The following FOXP1 variants were observed in gnomAD, a reference collection of about 807,000 sequenced individuals.
FOXP1 encodes the protein forkhead box protein P1.
Under a neutral mutation model 98.2 loss-of-function variants are expected in FOXP1, and 15 were observed. The ratio of observed to expected loss-of-function variants is 0.15; its 90% CI spans 0.10 to 0.24. The LOEUF (loss-of-function observed/expected upper bound fraction) is 0.24, where lower values mean the gene tolerates loss of function less well. FOXP1 is among the 10% of genes least tolerant of loss of function. FOXP1 has a pLI of 1.00. For missense variants in FOXP1, 633 were observed against 848.5 expected (o/e 0.75, Z 3.15); for synonymous variants, 371 against 314.5 (o/e 1.18, Z -1.90).
At chr3:71,126,603 C>G (rs948038048) in intron 6 of FOXP1, among the ~76,000 whole-genome samples, 1 of 151,916 alleles carries the variant, frequency 6.6e-6, no homozygotes, top group African/African-American at 2.4e-5. Flanking sequence ...GCAGGGAGAC[C>G]GCTTGAGCCC....
chr3:71,193,157 T>G (rs1263543684), intron 6 of FOXP1, among the ~76,000 whole-genome samples: 2 of 150,026 alleles, frequency 1.3e-5, no homozygotes, highest in African/African-American at 2.5e-5. Flanking sequence ...TTATTTGTGT[T>G]TTTTTTTTGA....
intron 3 of FOXP1, among the ~76,000 whole-genome samples, chr3:71,363,823 G>A (rs959518665): frequency 6.6e-6 from 1 of 152,198 alleles, no homozygotes; most frequent in Non-Finnish European, 1.5e-5. Context: ...CAAATAGATG[G>A]AAGTGGGTAT....
At chr3:71,542,353 C>T (rs997071452) in intron 2 of FOXP1, among the ~76,000 whole-genome samples, 1 of 152,118 alleles carries the variant, frequency 6.6e-6, no homozygotes, top group African/African-American at 2.4e-5. Flanking sequence ...AAGAAACAAA[C>T]CACAATAAAA....
chr3:71,393,660 T>C (rs2081187689), intron 3 of FOXP1, among the ~76,000 whole-genome samples: 1 of 152,224 alleles, frequency 6.6e-6, no homozygotes, highest in South Asian at 2.1e-4. Flanking sequence ...AAATGATTTC[T>C]AAGCAAAATG....
intron 5 of FOXP1, among the ~76,000 whole-genome samples, chr3:71,260,015 G>T (rs1477942616): frequency 6.6e-6 from 1 of 152,130 alleles, no homozygotes; most frequent in East Asian, 1.9e-4. Context: ...ACAGAGTCTC[G>T]CTCTCTCCCC....
chr3:71,433,943 C>G (rs1036640023), intron 3 of FOXP1, among the ~76,000 whole-genome samples: 9 of 152,236 alleles, frequency 5.9e-5, no homozygotes, highest in Non-Finnish European at 1.3e-4. Flanking sequence ...GTTACAGCTT[C>G]CTGGCTGGCT....
intron 3 of FOXP1, among the ~76,000 whole-genome samples, chr3:71,404,706 C>T (rs2082194922): frequency 6.6e-6 from 1 of 152,140 alleles, no homozygotes; most frequent in Non-Finnish European, 1.5e-5. Context: ...CAAGAAAGTG[C>T]AGGCAAATTA....
chr3:71,102,766 T>G (rs751804721), intron 7 of FOXP1, among the ~76,000 whole-genome samples: 22 of 152,316 alleles, frequency 1.4e-4, no homozygotes, highest in Admixed American at 2.0e-4. Context: ...CCTTTTGCTT[T>G]CCCTGTTTGC....
At chr3:71,186,228 GACTC>G (rs1311164163) in intron 6 of FOXP1, among the ~76,000 whole-genome samples, 2 of 152,212 alleles carry the variant, frequency 1.3e-5, no homozygotes, top group Admixed American at 1.3e-4. Flanking sequence ...CTCTGTGAGT[GACTC>G]ACTAAGTGAG....
chr3:71,255,718 C>A (rs756844778), intron 5 of FOXP1, among the ~76,000 whole-genome samples: 13 of 152,076 alleles, frequency 8.5e-5, no homozygotes, highest in Admixed American at 5.9e-4. Context: ...GATGAGTAAT[C>A]CTTGGAGATG....
intron 6 of FOXP1, among the ~76,000 whole-genome samples, chr3:71,173,487 T>G (rs1024510434): frequency 4.6e-5 from 7 of 152,068 alleles, no homozygotes; most frequent in Non-Finnish European, 8.8e-5. Flanking sequence ...GATCTTCTGA[T>G]GCAACATATT....
At chr3:71,012,181 G>A (rs1304102916) in intron 12 of FOXP1, among the ~76,000 whole-genome samples, 4 of 152,106 alleles carry the variant, frequency 2.6e-5, no homozygotes, top group Admixed American at 2.0e-4. Flanking sequence ...CATATTTACA[G>A]ATGTTTATCA....
intron 2 of FOXP1, 54 bp downstream of exon 2, chr3:71,581,495 G>T (rs930488652): frequency 1.0e-6 from 1 of 985,338 alleles, no homozygotes; most frequent in Non-Finnish European, 1.2e-6. Flanking sequence ...CCCTAGTGCC[G>T]CCTGGGGCTC....
At chr3:71,077,102 C>T (rs886575720) in intron 7 of FOXP1, among the ~76,000 whole-genome samples, 4 of 152,168 alleles carry the variant, frequency 2.6e-5, no homozygotes, top group Non-Finnish European at 1.5e-5. Context: ...TTAAGTAGAA[C>T]AAAGCTTGAA....
At chr3:71,508,161 T>C (rs1338308235) in intron 2 of FOXP1, among the ~76,000 whole-genome samples, 1 of 152,202 alleles carries the variant, frequency 6.6e-6, no homozygotes, top group Non-Finnish European at 1.5e-5. Context: ...AGTATATTTC[T>C]ATAGGGGGAA....
intron 11 of FOXP1, among the ~76,000 whole-genome samples, chr3:71,025,053 A>G (rs1390536865): frequency 1.3e-5 from 2 of 152,204 alleles, no homozygotes; most frequent in African/African-American, 2.4e-5. Flanking sequence ...TGAGTACATC[A>G]GAAACATGAT....
intron 7 of FOXP1, among the ~76,000 whole-genome samples, chr3:71,073,553 A>G (rs2053492472): frequency 6.6e-6 from 1 of 152,154 alleles, no homozygotes; most frequent in Admixed American, 6.5e-5. Context: ...AGTATTTGTT[A>G]CTCATCAGCA....
chr3:70,959,770 C>G (rs1244244022), intron 20 of FOXP1, among the ~76,000 whole-genome samples: 1 of 152,134 alleles, frequency 6.6e-6, no homozygotes, highest in Non-Finnish European at 1.5e-5. Context: ...TACTTTAACA[C>G]ACGCTGCAGT....
chr3:71,059,415 C>T (rs1326849506), intron 7 of FOXP1, among the ~76,000 whole-genome samples: 1 of 152,136 alleles, frequency 6.6e-6, no homozygotes, highest in Non-Finnish European at 1.5e-5. Context: ...AAGGTTACTC[C>T]ACTAAGTGCC....
Sources: allele counts gnomAD v4.1 joint callset (sites outside exome capture counted in the v4.1 genomes callset), GRCh38; gene constraint gnomAD v4.1.1; transcripts MANE v1.5; gene names NCBI Gene and HGNC (gene_info 2026-07-23, HGNC 2026-07-21).